PDE4A: variants seen among roughly 807,000 people sequenced by gnomAD.
PDE4A encodes 3',5'-cyclic-AMP phosphodiesterase 4A.
Under a neutral mutation model 73.9 loss-of-function variants are expected in PDE4A, and 21 were observed. The observed-to-expected ratio is 0.28, with a 90% CI of 0.20 to 0.41. The LOEUF (loss-of-function observed/expected upper bound fraction) is 0.41, where lower values mean the gene tolerates loss of function less well. Ranked by LOEUF, PDE4A falls within the 10% of genes least tolerant of loss-of-function variation. The pLI is 1.00. For missense variants in PDE4A, 958 were observed against 1,211.4 expected, an observed-to-expected ratio of 0.79 and a Z score of 3.10; for synonymous variants, 463 against 505.4, an observed-to-expected ratio of 0.92 and a Z score of 1.13.
At chr19:10,421,897 G>T (rs1171856540) in intron 1 of PDE4A, among the ~76,000 whole-genome samples, 1 of 152,196 alleles carries the variant, frequency 6.6e-6, no homozygotes, top group Non-Finnish European at 1.5e-5. Context: ...TACCTCAGTT[G>T]TGTGCTCTGT....
chr19:10,417,763 A>G (rs781459583), upstream of PDE4A: 37 of 1,574,410 alleles, frequency 2.4e-5, no homozygotes, highest in South Asian at 1.1e-4. Context: ...GGCTGGGCCC[A>G]GCCTGAGCCC....
At chr19:10,465,683 C>CTTTTTTTTTTTTTTTTTTTTTTTT (rs749126870) in intron 14 of PDE4A, among the ~76,000 whole-genome samples, 1 of 48,366 alleles carries the variant, frequency 2.1e-5, no homozygotes, top group African/African-American at 8.1e-5. Context: ...GTGGCTTTAG[C>CTTTTTTTTTTTTTTTTTTTTTTTT]TTTTTTTTTT....
intron 1 of PDE4A, among the ~76,000 whole-genome samples, chr19:10,438,211 C>G (rs1408835059): frequency 6.6e-6 from 1 of 151,764 alleles, no homozygotes; most frequent in Non-Finnish European, 1.5e-5. Flanking sequence ...CTCCCGGGTT[C>G]AAGCGATTCT....
intron 1 of PDE4A, among the ~76,000 whole-genome samples, chr19:10,444,340 A>G (rs1179677833): frequency 7.2e-5 from 11 of 151,806 alleles, no homozygotes; most frequent in Non-Finnish European, 1.5e-4. Context: ...GTCTACTGAA[A>G]ATACAAAATT....
In PDE4A at chr19:10,458,726, C is replaced by T. The variant is rs1305990266; in HGVS notation, c.1101+624C>T. Among the ~76,000 whole-genome samples the T allele has an allele frequency of 6.6e-6, 1 of 152,122 alleles. No homozygotes were observed. Among genetic ancestry groups the T allele is most frequent in the Non-Finnish European group, 1.5e-5 (1 of 68,040 alleles). ...CTCCACCTCCTGGGTTCAAGCAATA[C>T]TCCTGCCTCACCCTCCTGACTAGCC... On this transcript the variant is annotated intron_variant, in intron 8 of 14. Coordinates refer to ENST00000380702, the MANE Select transcript of PDE4A (RefSeq NM_001111307.2). The surrounding 1 kb of genome is among the most constrained non-coding windows in gnomAD (Gnocchi z 4.6).
upstream of PDE4A, chr19:10,417,421 C>T: frequency 1.0e-6 from 1 of 984,974 alleles, no homozygotes; most frequent in Non-Finnish European, 1.2e-6. Context: ...TGACAGACCC[C>T]AAGGCTGGGG....
At chr19:10,454,632 C>A (rs1461786588) in intron 6 of PDE4A, 197 bp from the exon 7 acceptor site, 2 of 424,454 alleles carry the variant, frequency 4.7e-6, no homozygotes, top group Admixed American at 1.3e-4. Context: ...CTCCCCAAAC[C>A]TGGGGACCTC....
chr19:10,450,585 ATT>A lies in PDE4A; in HGVS notation c.621-8_621-7del, dbSNP rs540629067. The stretch of plus-strand genomic sequence containing the variant: ...GGACCCAGGCTGACATTGCAGCCCC[ATT>A]TTTTTTTTTCTGCAGGCGGTCCCCG... On this transcript the variant is annotated splice_polypyrimidine_tract_variant and intron_variant, in intron 4 of 14. Transcript: ENST00000380702. 6.5e-6 allele frequency: 9 copies of A among 1,375,578 alleles called. No individual in the cohort carries two copies. Among genetic ancestry groups the A allele is most frequent in the Admixed American group, 6.1e-5 (3 of 48,870 alleles). 85.2% of individuals were successfully genotyped at this position (1,375,578 alleles called of 1,614,324 possible).
chr19:10,446,782 C>T (rs2043011839), intron 2 of PDE4A, among the ~76,000 whole-genome samples: 1 of 151,130 alleles, frequency 6.6e-6, no homozygotes, highest in Non-Finnish European at 1.5e-5. Flanking sequence ...TTAGTAGAGA[C>T]AGGGTTTCAC....
rs1051281721 is a variant in PDE4A, at chr19:10,461,858, G to T, written c.1621-19G>T. 2.3e-5 allele frequency: 37 copies of T among 1,609,390 alleles called. No homozygotes were observed. Among genetic ancestry groups the T allele is most frequent in the Non-Finnish European group, 2.6e-5 (31 of 1,177,830 alleles). On this transcript the variant is annotated intron_variant, in intron 12 of 14. Coordinates refer to ENST00000380702, the MANE Select transcript of PDE4A (RefSeq NM_001111307.2). ...GGGGGCGGGTGTCAGCGGCCCCAGTGACGCCCCCTTGCCCGCAGGTGCTGG... is the reference window on the plus strand; with the variant it reads ...GGGGGCGGGTGTCAGCGGCCCCAGTTACGCCCCCTTGCCCGCAGGTGCTGG...
At chr19:10,423,008 G>T in intron 1 of PDE4A, 5 of 554,272 alleles carry the variant, frequency 9.0e-6, no homozygotes, top group Non-Finnish European at 1.1e-5. Flanking sequence ...TCATTATTTT[G>T]GTGGGTATCC....
intron 1 of PDE4A, among the ~76,000 whole-genome samples, chr19:10,426,278 C>T (rs2042717140): frequency 6.6e-6 from 1 of 152,212 alleles, no homozygotes; most frequent in Non-Finnish European, 1.5e-5. Context: ...GTTCATTCCA[C>T]AAACACTGAG....
chr19:10,420,421 G>A, upstream of PDE4A: 1 of 962,346 alleles, frequency 1.0e-6, no homozygotes, highest in Non-Finnish European at 1.2e-6. This position sits in a 1 kb window ranked among gnomAD's most constrained non-coding sequence, Gnocchi z 6.0. Context: ...CCGGACGGAG[G>A]AGGAGGGGGG....
chr19:10,461,499 T>C, intron 11 of PDE4A, 27 bp from the exon 12 acceptor site: 1 of 1,610,792 alleles, frequency 6.2e-7, no homozygotes, highest in Non-Finnish European at 8.5e-7. Context: ...ACGTGGGCCC[T>C]CCCCTGACCT....
chr19:10,422,556 T>C lies in PDE4A; in HGVS notation c.320+1472T>C, dbSNP rs186473781. On this transcript the variant is annotated intron_variant, in intron 1 of 14. Transcript: ENST00000380702. ...GGGGATATCACCAAGACGGTCAGATTTGGGCTCCTTATCCCTGGAGCTCCT... is the reference window on the plus strand; with the variant it reads ...GGGGATATCACCAAGACGGTCAGATCTGGGCTCCTTATCCCTGGAGCTCCT... Among the ~76,000 whole-genome samples the C allele has an allele frequency of 9.7e-4, 148 of 152,208 alleles. 2 individuals carry two copies. The East Asian group carries it at 0.023, about 23-fold the overall frequency.
In PDE4A at chr19:10,467,660, C is replaced by T. The variant is rs1200060187; in HGVS notation, c.*39C>T. The stretch of plus-strand genomic sequence containing the variant: ...GTCCCTGTTCCCCTCCACTCCTCCC[C>T]TCACTCCCCTGCTCCCCCGACCACC... On this transcript the variant is annotated 3_prime_UTR_variant, in exon 15 of 15. Transcript: ENST00000380702. The T allele has an allele frequency of 4.1e-6, 6 of 1,448,666 alleles. No homozygotes were observed. The highest frequency in any genetic ancestry group is 4.7e-6 in the Non-Finnish European group (5 of 1,073,666). 89.7% of individuals were successfully genotyped at this position (1,448,666 alleles called of 1,614,324 possible).
chr19:10,459,834 T>C, intron 10 of PDE4A, 75 bp downstream of exon 10: 1 of 1,474,766 alleles, frequency 6.8e-7, no homozygotes, highest in Non-Finnish European at 9.2e-7. Context: ...TGTGTCTCTC[T>C]GACCCTGTGT....
chr19:10,431,903 T>A (rs1424584342), intron 1 of PDE4A, among the ~76,000 whole-genome samples: 1 of 152,044 alleles, frequency 6.6e-6, no homozygotes, highest in Non-Finnish European at 1.5e-5. Context: ...CGTCTCTGTC[T>A]CCACTTCTGT....
At chr19:10,430,889 G>GGT (rs2042779040) in intron 1 of PDE4A, 1 of 1,483,796 alleles carries the variant, frequency 6.7e-7, no homozygotes, top group Non-Finnish European at 8.9e-7. Context: ...AGCTGCAACT[G>GGT]GTGGCCTTCC....
Sources: gnomAD v4.1 joint callset for allele counts (sites outside exome capture counted in the v4.1 genomes callset) on GRCh38, gnomAD v4.1.1 for gene constraint, Gnocchi (gnomAD v3.1) non-coding constraint, MANE v1.5 for transcripts, NCBI Gene and HGNC (gene_info 2026-07-23, HGNC 2026-07-21) for gene names.